DNAJC1: variants seen among roughly 807,000 people sequenced by gnomAD.
The protein encoded by DNAJC1 is dnaJ homolog subfamily C member 1.
Under a neutral mutation model 76.6 loss-of-function variants are expected in DNAJC1, and 58 were observed. That is an observed-to-expected ratio of 0.76 (90% CI 0.61 to 0.94). The LOEUF (loss-of-function observed/expected upper bound fraction) is 0.94. Among genes scored for constraint, DNAJC1 ranks in the 40% least tolerant of loss-of-function variants. The pLI is 0.00. For missense variants in DNAJC1, 689 were observed against 677.3 expected (o/e 1.02, Z -0.19); for synonymous variants, 258 against 267.9 (o/e 0.96, Z 0.36).
chr10:21,765,151 A>G (rs1020322928), intron 10 of DNAJC1, among the ~76,000 whole-genome samples: 3 of 152,170 alleles, frequency 2.0e-5, no homozygotes, highest in African/African-American at 7.2e-5. Flanking sequence ...AAATAACTTC[A>G]TTGGCAGAAA....
chr10:21,797,796 C>T (rs1834765680), intron 9 of DNAJC1, among the ~76,000 whole-genome samples: 1 of 152,098 alleles, frequency 6.6e-6, no homozygotes, highest in African/African-American at 2.4e-5. Flanking sequence ...GCAAGAAGGC[C>T]CTTGCCAGAC....
intron 10 of DNAJC1, among the ~76,000 whole-genome samples, chr10:21,761,913 T>A (rs538736175): frequency 2.0e-5 from 3 of 152,332 alleles, no homozygotes; most frequent in African/African-American, 7.2e-5. Context: ...AATTTTTTTT[T>A]ATTTTTATTT....
intron 9 of DNAJC1, among the ~76,000 whole-genome samples, chr10:21,796,212 T>C (rs1834749338): frequency 6.6e-6 from 1 of 151,986 alleles, no homozygotes; most frequent in Non-Finnish European, 1.5e-5. Flanking sequence ...TCAGGTGATC[T>C]GCCCGCCTCA....
intron 7 of DNAJC1, among the ~76,000 whole-genome samples, chr10:21,896,619 T>G (rs1836548185): frequency 6.6e-6 from 1 of 152,206 alleles, no homozygotes; most frequent in African/African-American, 2.4e-5. Context: ...TAGATTATAT[T>G]TAGATAAGAC....
chr10:21,874,398 G>C (rs1014981911), intron 8 of DNAJC1, among the ~76,000 whole-genome samples: 2 of 151,328 alleles, frequency 1.3e-5, no homozygotes, highest in African/African-American at 4.9e-5. Context: ...CCAGCAGCCT[G>C]GGCAACAGAG....
chr10:21,862,975 A>T (rs1727820968), intron 8 of DNAJC1, among the ~76,000 whole-genome samples: 1 of 152,000 alleles, frequency 6.6e-6, no homozygotes, highest in East Asian at 1.9e-4. Context: ...TATACTAAAA[A>T]TACAAAATTA....
chr10:21,973,727 G>A (rs1838017611), intron 1 of DNAJC1, among the ~76,000 whole-genome samples: 1 of 132,322 alleles, frequency 7.6e-6, no homozygotes, highest in Non-Finnish European at 1.6e-5. Context: ...ATAGTTTTAT[G>A]CTCACTACTT....
At chr10:21,834,681 C>T (rs1835420184) in intron 8 of DNAJC1, among the ~76,000 whole-genome samples, 1 of 152,238 alleles carries the variant, frequency 6.6e-6, no homozygotes, top group Non-Finnish European at 1.5e-5. Flanking sequence ...ATATCCCGCA[C>T]CTGGTTCAGA....
At chr10:21,839,959 A>T (rs1000358848) in intron 8 of DNAJC1, among the ~76,000 whole-genome samples, 1 of 152,242 alleles carries the variant, frequency 6.6e-6, no homozygotes, top group Non-Finnish European at 1.5e-5. Context: ...ACGCAAATCA[A>T]TAAATGTAAT....
At chr10:21,958,629 T>C (rs1837734492) in intron 1 of DNAJC1, among the ~76,000 whole-genome samples, 1 of 152,102 alleles carries the variant, frequency 6.6e-6, no homozygotes, top group South Asian at 2.1e-4. Context: ...GGTTTCACCG[T>C]GTTAGCCAGG....
At chr10:21,965,737 T>TACGA (rs1224999035) in intron 1 of DNAJC1, among the ~76,000 whole-genome samples, 2 of 152,210 alleles carry the variant, frequency 1.3e-5, no homozygotes, top group African/African-American at 4.8e-5. Context: ...TCCCCATATA[T>TACGA]ACGAGTATAT....
At chr10:21,879,095 T>A (rs1836231129) in intron 8 of DNAJC1, among the ~76,000 whole-genome samples, 1 of 152,328 alleles carries the variant, frequency 6.6e-6, no homozygotes, top group Admixed American at 6.5e-5. Flanking sequence ...AATGTCATCA[T>A]CTTTGTGGAA....
At chr10:21,842,994 A>C (rs1590010423) in intron 8 of DNAJC1, among the ~76,000 whole-genome samples, 3 of 152,182 alleles carry the variant, frequency 2.0e-5, no homozygotes, top group African/African-American at 7.2e-5. Context: ...GAATAAATAA[A>C]AAGCAGCGAA....
chr10:21,862,814 A>G (rs1835938081), intron 8 of DNAJC1, among the ~76,000 whole-genome samples: 1 of 152,038 alleles, frequency 6.6e-6, no homozygotes, highest in Non-Finnish European at 1.5e-5. Context: ...AAATCAACCT[A>G]ATCTTCCACC....
intron 8 of DNAJC1, among the ~76,000 whole-genome samples, chr10:21,832,029 A>G (rs1835364971): frequency 6.6e-6 from 1 of 152,208 alleles, no homozygotes; most frequent in African/African-American, 2.4e-5. Flanking sequence ...ATAGGATATA[A>G]GAAAATGATC....
intron 1 of DNAJC1, among the ~76,000 whole-genome samples, chr10:21,999,644 G>T (rs1467003981): frequency 6.6e-6 from 1 of 151,738 alleles, no homozygotes; most frequent in Non-Finnish European, 1.5e-5. Context: ...TAGTAGAAAC[G>T]GGGTTTTACC....
chr10:21,998,389 C>CAAAAA (rs60371730), intron 1 of DNAJC1, among the ~76,000 whole-genome samples: 6 of 95,798 alleles, frequency 6.3e-5, no homozygotes, highest in Admixed American at 1.3e-4. Context: ...GACTCCATCT[C>CAAAAA]AAAAAAAAAA....
intron 1 of DNAJC1, among the ~76,000 whole-genome samples, chr10:21,935,166 T>C (rs943785307): frequency 1.3e-5 from 2 of 152,168 alleles, no homozygotes; most frequent in African/African-American, 4.8e-5. Flanking sequence ...TGTCCACATA[T>C]TGCATTTACT....
intron 1 of DNAJC1, among the ~76,000 whole-genome samples, chr10:21,967,206 C>G (rs1837908042): frequency 6.6e-6 from 1 of 152,040 alleles, no homozygotes; most frequent in Non-Finnish European, 1.5e-5. Flanking sequence ...GCAGTCAATC[C>G]CGGTTCCAAT....
Sources: allele counts gnomAD v4.1 joint callset (sites outside exome capture counted in the v4.1 genomes callset), GRCh38; gene constraint gnomAD v4.1.1; transcripts MANE v1.5; gene names NCBI Gene and HGNC (gene_info 2026-07-23, HGNC 2026-07-21).